GLOD4: variants seen among roughly 807,000 people sequenced by gnomAD.
The protein encoded by GLOD4 is glyoxalase domain-containing protein 4.
GLOD4 carries 44 observed loss-of-function variants against 39.1 expected under a neutral mutation model. The ratio of observed to expected loss-of-function variants is 1.13; its 90% CI spans 0.88 to 1.45. The LOEUF (loss-of-function observed/expected upper bound fraction) is 1.45. Ranked by LOEUF, GLOD4 falls within the 40% of genes most tolerant of loss-of-function variation. The probability of loss-of-function intolerance (pLI) is 0.00; values close to 1 mark genes in which losing one functional copy is unlikely to be tolerated. For missense variants in GLOD4, 405 were observed against 366.4 expected, an observed-to-expected ratio of 1.11 and a Z score of -0.86; for synonymous variants, 145 against 135.0, an observed-to-expected ratio of 1.07 and a Z score of -0.52.
At chr17:774,095 G>A (rs952435217) in intron 4 of GLOD4, among the ~76,000 whole-genome samples, 1 of 152,188 alleles carries the variant, frequency 6.6e-6, no homozygotes, top group African/African-American at 2.4e-5. Context: ...TTTAAAGTCA[G>A]CAAAGGATCA....
At chr17:773,537 G>A (rs1484722562) in intron 4 of GLOD4, among the ~76,000 whole-genome samples, 2 of 151,812 alleles carry the variant, frequency 1.3e-5, no homozygotes, top group Admixed American at 6.6e-5. Flanking sequence ...CAGCTTCTCT[G>A]CTTGTCTAAG....
intron 8 of GLOD4, among the ~76,000 whole-genome samples, chr17:769,213 G>A (rs1463828762): frequency 6.6e-6 from 1 of 151,684 alleles, no homozygotes; most frequent in African/African-American, 2.4e-5. Flanking sequence ...AGAGCTGAGG[G>A]GGTCAGATGG....
chr17:770,615 G>A, intron 5 of GLOD4, 108 bp from the exon 6 acceptor site: 1 of 697,958 alleles, frequency 1.4e-6, no homozygotes, highest in Non-Finnish European at 2.6e-6. Flanking sequence ...TAAAAACTGA[G>A]TCTCTATCCT....
intron 4 of GLOD4, among the ~76,000 whole-genome samples, chr17:775,044 T>G (rs1240740025): frequency 1.4e-5 from 2 of 147,064 alleles, no homozygotes; most frequent in Admixed American, 1.4e-4. Flanking sequence ...CACTCTAGCC[T>G]GGGCGACAGA....
chr17:783,895 CAG>C (rs1910396248), upstream of GLOD4, among the ~76,000 whole-genome samples: 1 of 152,098 alleles, frequency 6.6e-6, no homozygotes, highest in Non-Finnish European at 1.5e-5. Context: ...CTTTCTATGT[CAG>C]ATTAAAAATT....
intron 8 of GLOD4, among the ~76,000 whole-genome samples, chr17:761,497 C>A (rs1007215643): frequency 5.3e-5 from 8 of 152,168 alleles, no homozygotes; most frequent in African/African-American, 1.9e-4. Flanking sequence ...ATTTGGAGAA[C>A]CTAAGAAAGC....
At chr17:776,737 C>T (rs539953840) in intron 3 of GLOD4, 131 bp downstream of exon 3, 3 of 713,586 alleles carry the variant, frequency 4.2e-6, no homozygotes, top group Non-Finnish European at 7.4e-6. Context: ...ACGTGGCTAA[C>T]TCCCTGACCT....
chr17:778,465 C>T (rs531484616), intron 2 of GLOD4: 266 of 593,142 alleles, frequency 4.5e-4, no homozygotes, highest in South Asian at 8.0e-4. Flanking sequence ...GTGTTCCCGA[C>T]GCTCCTGAAG....
At chr17:761,876 CAAG>C (rs886951070) in intron 8 of GLOD4, among the ~76,000 whole-genome samples, 10 of 152,102 alleles carry the variant, frequency 6.6e-5, no homozygotes, top group Admixed American at 3.9e-4. Context: ...GGGTTGGATG[CAAG>C]AAGAAGTATC....
At chr17:762,986 C>T (rs1462506868) in intron 8 of GLOD4, among the ~76,000 whole-genome samples, 1 of 151,918 alleles carries the variant, frequency 6.6e-6, no homozygotes, top group African/African-American at 2.4e-5. Flanking sequence ...ACCATCCTGG[C>T]TAACACGGTG....
Position 775,924 on chromosome 17 carries a change from A to G in GLOD4, c.262-5T>C. ...GCTAGAAGCGAGCGTGATTCCCTACAACAAACAACAGTACATCCAAGTACA... is the reference window on the plus strand; with the variant it reads ...GCTAGAAGCGAGCGTGATTCCCTACGACAAACAACAGTACATCCAAGTACA... On this transcript the variant is annotated splice_region_variant and splice_polypyrimidine_tract_variant and intron_variant, in intron 3 of 8. Transcript: ENST00000301329. The G allele has an allele frequency of 6.2e-7, 1 of 1,611,792 alleles. No homozygotes were observed. The highest frequency in any genetic ancestry group is 1.3e-5 in the African/African-American group (1 of 75,022).
rs199558490 is a variant in GLOD4, at chr17:771,320, C to G, written c.543+5G>C. ...AACAGGTTATTCTTCTCCAAGATTG[C>G]TCACCTGGTTATCAGCATAGCCCAG... On this transcript the variant is annotated splice_donor_5th_base_variant and intron_variant, in intron 5 of 8. Transcript: ENST00000301329. 1 of 1,574,628 alleles carries G rather than the reference C, an allele frequency of 6.4e-7. No homozygotes were observed. The highest frequency in any genetic ancestry group is 8.6e-7 in the Non-Finnish European group (1 of 1,161,150).
chr17:776,805 C>T, intron 3 of GLOD4, 63 bp downstream of exon 3: 1 of 1,261,760 alleles, frequency 7.9e-7, no homozygotes, highest in Non-Finnish European at 1.2e-6. Flanking sequence ...TGGCACTCTA[C>T]TCAAATTTAC....
At chr17:777,336 G>A (rs937896776) in intron 2 of GLOD4, 2 of 233,600 alleles carry the variant, frequency 8.6e-6, no homozygotes, top group African/African-American at 2.2e-5. Context: ...GTTCCAACTT[G>A]TCACGGTACT....
intron 8 of GLOD4, among the ~76,000 whole-genome samples, chr17:768,750 T>G (rs1907287845): frequency 1.6e-5 from 2 of 128,496 alleles, no homozygotes; most frequent in African/African-American, 3.1e-5. Context: ...CGCACTCAGA[T>G]TTTTAGAAGA....
chr17:777,015 G>A (rs1909085004), intron 2 of GLOD4, 27 bp from the exon 3 acceptor site: 1 of 1,609,518 alleles, frequency 6.2e-7, no homozygotes, highest in Non-Finnish European at 8.5e-7. Context: ...AATGAACTCA[G>A]TGACTACAGA....
chr17:766,473 G>C (rs149479276), intron 8 of GLOD4, among the ~76,000 whole-genome samples: 2,009 of 151,466 alleles, frequency 0.013, 46 homozygotes, highest in African/African-American at 0.046. Flanking sequence ...GCACGTGCCT[G>C]TAATCCCAGC....
intron 2 of GLOD4, 110 bp from the exon 3 acceptor site, chr17:777,098 G>A (rs1909094550): frequency 1.9e-6 from 2 of 1,030,112 alleles, no homozygotes; most frequent in South Asian, 2.7e-5. Flanking sequence ...GGTCCTAAAA[G>A]TTCTCTTAAG....
At chr17:760,369 CA>C (rs1017220968) in intron 8 of GLOD4, 131 bp from the exon 9 acceptor site, 54 of 601,666 alleles carry the variant, frequency 9.0e-5, no homozygotes, top group Middle Eastern at 2.9e-4. Flanking sequence ...ACCCCCGCTC[CA>C]AAAAAAAGAG....
Sources: gnomAD v4.1 joint callset for allele counts (sites outside exome capture counted in the v4.1 genomes callset) on GRCh38, gnomAD v4.1.1 for gene constraint, MANE v1.5 for transcripts, NCBI Gene and HGNC (gene_info 2026-07-23, HGNC 2026-07-21) for gene names.